SLC25A11: variants seen among roughly 807,000 people sequenced by gnomAD.
The protein encoded by SLC25A11 is mitochondrial 2-oxoglutarate/malate carrier protein.
In SLC25A11, 11 loss-of-function variants were observed where a neutral mutation model predicts 32.7. That is an observed-to-expected ratio of 0.34 (90% CI 0.21 to 0.56). The LOEUF is 0.56. Ranked by LOEUF, SLC25A11 falls within the 20% of genes least tolerant of loss-of-function variation. SLC25A11 has a pLI of 0.90. For missense variants in SLC25A11, 295 were observed against 426.3 expected (o/e 0.69, Z 2.71); for synonymous variants, 163 against 168.3 (o/e 0.97, Z 0.24).
rs1358459299 is a variant in SLC25A11, at chr17:4,939,106, G to C, written c.202C>G (p.Leu68Val). 1.2e-6 allele frequency: 2 copies of C among 1,614,208 alleles called. No homozygotes were observed. The highest frequency in any genetic ancestry group is 2.7e-5 in the African/African-American group (2 of 75,058). Residue 68 changes from leucine (L) to valine (V), a missense_variant, in exon 2 of 8, where the codon CTC becomes GTC. Leu to Val is a conservative substitution (Grantham distance 32, BLOSUM62 1). Around this residue, in one of 3 missense-constraint regions of SLC25A11, gnomAD observed 104 missense variants for 121.5 expected, o/e 0.86. Transcript: ENST00000225665. This position sits in a 1 kb window ranked among gnomAD's most constrained non-coding sequence, Gnocchi z 4.1. ...TREYKTSFHA[L>V]TSILKAEGLR... Reference sequence around the variant, plus strand: ...CCTTCTGCCTTCAGGATACTGGTGAGGGCATGGAAGCTGGTTTTGTACTCT... The same window carrying C: ...CCTTCTGCCTTCAGGATACTGGTGACGGCATGGAAGCTGGTTTTGTACTCT...
In SLC25A11 at chr17:4,939,337, G is replaced by A. The variant is rs1251236702; in HGVS notation, c.96-125C>T. The A allele has an allele frequency of 9.2e-7, 1 of 1,081,084 alleles. No homozygotes were observed. The highest frequency in any genetic ancestry group is 1.3e-6 in the Non-Finnish European group (1 of 766,776). The allele number at this position is 1,081,084 out of a possible 1,614,324, so 67.0% of individuals were successfully genotyped here. Reference sequence around the variant, plus strand: ...ATGCGATTCAAGAATCAGGATGCTGGTGAGCATGTGTATAAGAGTCTATAT... The same window carrying A: ...ATGCGATTCAAGAATCAGGATGCTGATGAGCATGTGTATAAGAGTCTATAT... On this transcript the variant is annotated intron_variant, in intron 1 of 7. Transcript: ENST00000225665. The surrounding 1 kb of genome is among the most constrained non-coding windows in gnomAD (Gnocchi z 4.1).
Position 4,937,861 on chromosome 17 carries a change from G to A in SLC25A11, c.825C>T (p.Phe275=), listed in dbSNP as rs749233411. ...GCGTGAAGCCCTTCCACAGGCTGAA[G>A]AAGCCCTCGTAGCGGACAACTTTGA... ...VLFKVVRYEG[F]FSLWKGFTPY... Residue 275 remains phenylalanine, a synonymous_variant, in exon 8 of 8, where the codon TTC becomes TTT. Coordinates refer to ENST00000225665, the MANE Select transcript of SLC25A11 (RefSeq NM_003562.5). 2.5e-6 allele frequency: 4 copies of A among 1,614,068 alleles called. No individual in the cohort carries two copies. In the South Asian group the frequency reaches 3.3e-5, roughly 13 times the overall value.
chr17:4,938,931 C>T lies in SLC25A11; in HGVS notation c.293G>A (p.Arg98His). ...LLRQATYTTTRLGIYTVLFER... is the reference protein window; with the variant it reads ...LLRQATYTTTHLGIYTVLFER... ...AAACAGCACGGTATAGATGCCAAGGCGGGTAGTGGTGTAGGTGGCCTGACG... is the reference window on the plus strand; with the variant it reads ...AAACAGCACGGTATAGATGCCAAGGTGGGTAGTGGTGTAGGTGGCCTGACG... The change falls in exon 3 of 8, where the codon CGC becomes CAC. Residue 98 changes from arginine to histidine, a missense_variant. Arg to His is a conservative substitution (Grantham distance 29). This residue lies in a region of SLC25A11 where 49 missense variants were observed against 106.9 expected (regional missense o/e 0.46). Coordinates refer to ENST00000225665, the MANE Select transcript of SLC25A11 (RefSeq NM_003562.5). The surrounding 1 kb of genome is among the most constrained non-coding windows in gnomAD (Gnocchi z 7.6). 3.1e-6 allele frequency: 5 copies of T among 1,614,096 alleles called. No individual in the cohort carries two copies. The highest frequency in any genetic ancestry group is 4.2e-6 in the Non-Finnish European group (5 of 1,180,024).
At position 4,940,045 on chromosome 17, in the gene SLC25A11, C is replaced by T. The variant is rs75665547; in HGVS notation, c.-135G>A. ...TCTCAGGTCCGACACCCGCTGGAAG[C>T]CGGCGCGGGCGCAGGCGCGCAGCGC... On this transcript the variant is annotated 5_prime_UTR_variant, in exon 1 of 8. Transcript: ENST00000225665. The T allele has an allele frequency of 3.7e-6, 2 of 547,140 alleles. No individual in the cohort carries two copies. The highest frequency in any genetic ancestry group is 2.0e-5 in the African/African-American group (1 of 49,818). The allele number at this position is 547,140 out of a possible 1,614,324, so 33.9% of individuals were successfully genotyped here. A position where few individuals can be genotyped will look rare whatever the true frequency, so the allele number is the denominator to read the frequency against.
rs748737526 is a variant in SLC25A11, at chr17:4,937,875, G to A, written c.811C>T (p.Arg271Cys). The A allele has an allele frequency of 7.6e-5, 123 of 1,613,570 alleles. No homozygotes were observed. Among genetic ancestry groups the A allele is most frequent in the South Asian group, 1.5e-4 (14 of 91,024 alleles). ...CACAGGCTGAAGAAGCCCTCGTAGCGGACAACTTTGAACAGCACGTCCTAG... is the reference window on the plus strand; with the variant it reads ...CACAGGCTGAAGAAGCCCTCGTAGCAGACAACTTTGAACAGCACGTCCTAG... ...NGLDVLFKVVRYEGFFSLWKG... is the reference protein window; with the variant it reads ...NGLDVLFKVVCYEGFFSLWKG... Residue 271 changes from arginine to cysteine, a missense_variant, in exon 8 of 8, where the codon CGC (arginine) becomes TGC (cysteine). By Grantham distance (180) the Arg-to-Cys change is radical (BLOSUM62 -3). Transcript: ENST00000225665.
At position 4,939,492 on chromosome 17, in the gene SLC25A11, A is replaced by T; in HGVS notation, c.96-280T>A. 2 of 574,602 alleles carry T rather than the reference A, an allele frequency of 3.5e-6. No individual in the cohort carries two copies. The highest frequency in any genetic ancestry group is 6.2e-6 in the Non-Finnish European group (2 of 324,718). The allele number at this position is 574,602 out of a possible 1,614,324, so 35.6% of individuals were successfully genotyped here. A position where few individuals can be genotyped will look rare whatever the true frequency, so the allele number is the denominator to read the frequency against. The stretch of plus-strand genomic sequence containing the variant: ...GCACGCAGTCCGACACAGGGAGGGG[A>T]GGAAGGGGCATCCAAGATTTAGGAC... On this transcript the variant is annotated intron_variant, in intron 1 of 7. Transcript: ENST00000225665. This position sits in a 1 kb window ranked among gnomAD's most constrained non-coding sequence, Gnocchi z 4.1.
In SLC25A11 at chr17:4,938,988, G is replaced by T; in HGVS notation, c.249-13C>A. On this transcript the variant is annotated splice_polypyrimidine_tract_variant and intron_variant, in intron 2 of 7. Transcript: ENST00000225665. The surrounding 1 kb of genome is among the most constrained non-coding windows in gnomAD (Gnocchi z 7.6). ...GCCAGCCGACAGCCTGAGGAGCAGAGGGGTCAGCATATCAGGCCAAGGTCT... is the reference window on the plus strand; with the variant it reads ...GCCAGCCGACAGCCTGAGGAGCAGATGGGTCAGCATATCAGGCCAAGGTCT... 6.2e-7 allele frequency: 1 copy of T among 1,614,168 alleles called. No individual in the cohort carries two copies. Among genetic ancestry groups the T allele is most frequent in the African/African-American group, 1.3e-5 (1 of 75,032 alleles).
rs749595696 is a variant in SLC25A11 at position 4,939,871 on chromosome 17, C to G, written c.40G>C (p.Gly14Arg). ...GACTTAGGGGAGGTACGGGGCTTCC[C>G]GTCTATCCCGCCGGCCCCGGCACTC... ...TASAGAGGID[G>R]KPRTSPKSVK... The change falls in exon 1 of 8, where the codon GGG becomes CGG. Residue 14 changes from glycine (G) to arginine (R), a missense_variant. By Grantham distance (125) the Gly-to-Arg change is moderately radical. Coordinates refer to ENST00000225665, the MANE Select transcript of SLC25A11 (RefSeq NM_003562.5). This position sits in a 1 kb window ranked among gnomAD's most constrained non-coding sequence, Gnocchi z 4.1. The G allele has an allele frequency of 4.3e-6, 7 of 1,611,908 alleles. No homozygotes were observed. In the South Asian group the frequency reaches 7.7e-5, roughly 18 times the overall value.
rs772200421 is a variant in SLC25A11, at chr17:4,937,695, C to T, written c.*46G>A. 2.2e-5 allele frequency: 34 copies of T among 1,554,010 alleles called. No individual in the cohort carries two copies. Among genetic ancestry groups the T allele is most frequent in the South Asian group, 2.1e-4 (17 of 81,774 alleles). ...GGCAGCAGAGCCCAGGCCCCCAGGG[C>T]GCAGTGGCTATAGGCGCAGCAGGCG... On this transcript the variant is annotated 3_prime_UTR_variant, in exon 8 of 8. Transcript: ENST00000225665.
At position 4,937,234 on chromosome 17, in the gene SLC25A11, C is replaced by T. The variant is rs1479258155; in HGVS notation, c.*507G>A. 6.6e-6 allele frequency: 1 copy of T among 152,576 alleles called. No homozygotes were observed. The highest frequency in any genetic ancestry group is 1.5e-5 in the Non-Finnish European group (1 of 68,368). 9.5% of individuals were successfully genotyped at this position (152,576 alleles called of 1,614,324 possible). A position where few individuals can be genotyped will look rare whatever the true frequency, so the allele number is the denominator to read the frequency against. On this transcript the variant is annotated 3_prime_UTR_variant, in exon 8 of 8. Coordinates refer to ENST00000225665, the MANE Select transcript of SLC25A11 (RefSeq NM_003562.5). ...TCTTTAACAATTTTTCTTAAAAACT[C>T]CAGTTCCTATTCTCCAGCTTCTTTG...
In SLC25A11 at chr17:4,938,096, C is replaced by T; in HGVS notation, c.738-22G>A. On this transcript the variant is annotated intron_variant, in intron 6 of 7. Transcript: ENST00000225665. The surrounding 1 kb of genome is among the most constrained non-coding windows in gnomAD (Gnocchi z 7.6). ...GATTCTGCAGGAGAGGACGCAGGGG[C>T]ATGAGAGACCGAAAGGGCACCCTCC... is the stretch of plus-strand genomic sequence containing the variant. 6.2e-7 allele frequency: 1 copy of T among 1,614,170 alleles called. No homozygotes were observed. The highest frequency in any genetic ancestry group is 1.1e-5 in the South Asian group (1 of 91,088).
rs1183923782 is a variant in SLC25A11 at position 4,938,932 on chromosome 17, G to A, written c.292C>T (p.Arg98Cys). ...LLRQATYTTT[R>C]LGIYTVLFER... The stretch of plus-strand genomic sequence containing the variant: ...AACAGCACGGTATAGATGCCAAGGC[G>A]GGTAGTGGTGTAGGTGGCCTGACGC... The change falls in exon 3 of 8, where the codon CGC (arginine) becomes TGC (cysteine). Residue 98 changes from arginine (R) to cysteine (C), a missense_variant. By Grantham distance (180) the Arg-to-Cys change is radical. Transcript: ENST00000225665. The surrounding 1 kb of genome is among the most constrained non-coding windows in gnomAD (Gnocchi z 7.6). The A allele has an allele frequency of 6.2e-7, 1 of 1,614,144 alleles. No homozygotes were observed. Among genetic ancestry groups the A allele is most frequent in the Non-Finnish European group, 8.5e-7 (1 of 1,180,014 alleles).
Position 4,937,888 on chromosome 17 carries a change from C to T in SLC25A11, c.798G>A (p.Leu266=). ...KPEYKNGLDV[L]FKVVRYEGFF... ...AGCCCTCGTAGCGGACAACTTTGAA[C>T]AGCACGTCCTAGACACAGACAGGCA... The change falls in exon 8 of 8, where the codon CTG becomes CTA. Residue 266 remains leucine, a synonymous_variant. Transcript: ENST00000225665. The T allele has an allele frequency of 2.5e-6, 4 of 1,613,296 alleles. No individual in the cohort carries two copies. Among genetic ancestry groups the T allele is most frequent in the Non-Finnish European group, 3.4e-6 (4 of 1,179,546 alleles).
Position 4,938,532 on chromosome 17 carries a change from C to T in SLC25A11, c.526G>A (p.Gly176Ser). 3 of 1,614,052 alleles carry T rather than the reference C, an allele frequency of 1.9e-6. No homozygotes were observed. Among genetic ancestry groups the T allele is most frequent in the South Asian group, 2.2e-5 (2 of 91,084 alleles). The change falls in exon 4 of 8, where the codon GGT (glycine) becomes AGT (serine). Residue 176 changes from glycine (G) to serine (S), a missense_variant. By Grantham distance (56) the Gly-to-Ser change is moderately conservative. Coordinates refer to ENST00000225665, the MANE Select transcript of SLC25A11 (RefSeq NM_003562.5). The surrounding 1 kb of genome is among the most constrained non-coding windows in gnomAD (Gnocchi z 7.6). Reference protein sequence around the residue: ...NALIRITREEGVLTLWRGCIP... With the variant: ...NALIRITREESVLTLWRGCIP... ...CTCACCCGCCACAGTGTGAGGACAC[C>T]CTCTTCCCGGGTGATTCGAATCAGG...
In SLC25A11 at chr17:4,939,353, G is replaced by T; in HGVS notation, c.96-141C>A. 1.1e-6 allele frequency: 1 copy of T among 917,284 alleles called. No homozygotes were observed. The highest frequency in any genetic ancestry group is 1.6e-6 in the Non-Finnish European group (1 of 624,222). The allele number at this position is 917,284 out of a possible 1,614,324, so 56.8% of individuals were successfully genotyped here. A position where few individuals can be genotyped will look rare whatever the true frequency, so the allele number is the denominator to read the frequency against. On this transcript the variant is annotated intron_variant, in intron 1 of 7. Coordinates refer to ENST00000225665, the MANE Select transcript of SLC25A11 (RefSeq NM_003562.5). The surrounding 1 kb of genome is among the most constrained non-coding windows in gnomAD (Gnocchi z 4.1). ...AGGATGCTGGTGAGCATGTGTATAAGAGTCTATATGTACACCAAGTGCAAC... is the reference window on the plus strand; with the variant it reads ...AGGATGCTGGTGAGCATGTGTATAATAGTCTATATGTACACCAAGTGCAAC...
In SLC25A11 at chr17:4,938,017, C is replaced by T; in HGVS notation, c.789+6G>A. On this transcript the variant is annotated splice_donor_region_variant and intron_variant, in intron 7 of 7. Transcript: ENST00000225665. The surrounding 1 kb of genome is among the most constrained non-coding windows in gnomAD (Gnocchi z 7.6). ...CCCTCCCAGGCCCCCAGAATGGCTT[C>T]CTCACCAGCCCGTTCTTGTATTCCG... is the stretch of plus-strand genomic sequence containing the variant. The T allele has an allele frequency of 6.2e-7, 1 of 1,614,214 alleles. No homozygotes were observed. Among genetic ancestry groups the T allele is most frequent in the Non-Finnish European group, 8.5e-7 (1 of 1,180,030 alleles).
chr17:4,938,728 G>A lies in SLC25A11; in HGVS notation c.455+41C>T, dbSNP rs753069610. On this transcript the variant is annotated intron_variant, in intron 3 of 7. Transcript: ENST00000225665. The surrounding 1 kb of genome is among the most constrained non-coding windows in gnomAD (Gnocchi z 7.6). ...AAACTGGTCCTTTCATTCTAGATTC[G>A]AGGGAATGGGGCTGGGGTTAGGTTC... 34 of 1,595,256 alleles carry A rather than the reference G, an allele frequency of 2.1e-5. No individual in the cohort carries two copies. Among genetic ancestry groups the A allele is most frequent in the South Asian group, 2.0e-4 (18 of 89,772 alleles).
chr17:4,937,964 T>C (rs1970463185), intron 7 of SLC25A11, 59 bp downstream of exon 7: 1 of 1,613,350 alleles, frequency 6.2e-7, no homozygotes, highest in African/African-American at 1.3e-5. Context: ...CCAGCTGCCT[T>C]CACACCTTTC....
In SLC25A11 at chr17:4,938,864, C is replaced by A. The variant is rs142942603; in HGVS notation, c.360G>T (p.Leu120=). ...TGADGTPPGF[L]LKAVIGMTAG... is the part of the protein sequence containing the mutation. ...CGGTCATGCCAATCACAGCCTTCAG[C>A]AGAAAGCCAGGGGGAGTACCATCAG... The change falls in exon 3 of 8, where the codon CTG becomes CTT. Residue 120 remains leucine, a synonymous_variant. Coordinates refer to ENST00000225665, the MANE Select transcript of SLC25A11 (RefSeq NM_003562.5). The surrounding 1 kb of genome is among the most constrained non-coding windows in gnomAD (Gnocchi z 7.6). 3 of 1,614,160 alleles carry A rather than the reference C, an allele frequency of 1.9e-6. No homozygotes were observed. Among genetic ancestry groups the A allele is most frequent in the Non-Finnish European group, 2.5e-6 (3 of 1,180,030 alleles).
Sources: allele counts gnomAD v4.1 joint callset, GRCh38; gene constraint gnomAD v4.1.1; regional missense constraint gnomAD v4.1.1; non-coding constraint Gnocchi (gnomAD v3.1); transcripts MANE v1.5; gene names NCBI Gene and HGNC (gene_info 2026-07-23, HGNC 2026-07-21).